The following POLR3F variants were observed in gnomAD, a reference collection of about 807,000 sequenced individuals.
The protein encoded by POLR3F is RNA polymerase III subunit F.
Under a neutral mutation model 43.6 loss-of-function variants are expected in POLR3F, and 31 were observed. That is an observed-to-expected ratio of 0.71 (90% CI 0.53 to 0.96). The LOEUF (loss-of-function observed/expected upper bound fraction) is 0.96, where lower values mean the gene tolerates loss of function less well. POLR3F is among the 40% of genes least tolerant of loss of function. POLR3F has a pLI of 0.00. For synonymous variants in POLR3F, 114 were observed against 132.5 expected, an observed-to-expected ratio of 0.86 and a Z score of 0.96; for missense variants, 316 against 391.7, an observed-to-expected ratio of 0.81 and a Z score of 1.63.
chr20:18,467,700 G>A (rs573373604), intron 1 of POLR3F, 132 bp downstream of exon 1: 3 of 1,515,170 alleles, frequency 2.0e-6, no homozygotes, highest in Admixed American at 2.1e-5. Context: ...CGATTGCGGG[G>A]TTCTGGACCC....
chr20:18,480,870 T>C (rs2059806279), intron 7 of POLR3F, among the ~76,000 whole-genome samples: 1 of 152,132 alleles, frequency 6.6e-6, no homozygotes, highest in South Asian at 2.1e-4. Flanking sequence ...TTAAGGACAC[T>C]GATGCTTTTC....
chr20:18,483,534 C>T lies in POLR3F; in HGVS notation c.927C>T (p.Tyr309=). ...AGATTTCACCATCTAACTGTATTTACATGACAGAGTGGCTCGAATTTTAAT... is the reference window on the plus strand; with the variant it reads ...AGATTTCACCATCTAACTGTATTTATATGACAGAGTGGCTCGAATTTTAAT... ...GGEISPSNCI[Y]MTEWLEF The change falls in exon 9 of 9, where the codon TAC becomes TAT. Residue 309 remains tyrosine (Y), a synonymous_variant. Coordinates refer to ENST00000377603, the MANE Select transcript of POLR3F (RefSeq NM_006466.4). 6.5e-7 allele frequency: 1 copy of T among 1,528,594 alleles called. No homozygotes were observed. 94.7% of individuals were successfully genotyped at this position (1,528,594 alleles called of 1,614,324 possible).
chr20:18,476,891 A>G (rs2059783328), intron 5 of POLR3F, among the ~76,000 whole-genome samples: 4 of 152,188 alleles, frequency 2.6e-5, no homozygotes, highest in South Asian at 2.1e-4. Flanking sequence ...CCTCACCAAC[A>G]TGGTGAAACC....
At chr20:18,467,940 T>A (rs2059708108) in intron 1 of POLR3F, among the ~76,000 whole-genome samples, 1 of 152,208 alleles carries the variant, frequency 6.6e-6, no homozygotes, top group Non-Finnish European at 1.5e-5. Flanking sequence ...CTCTTGTCAC[T>A]AAGGGAACGT....
rs566668578 is a variant in POLR3F, at chr20:18,477,499, A to C, written c.429+2312A>C. ...TCCACATAACTACATGAATATTTAT[A>C]GCAGCTTTATTCGTAATCAGCAGCT... On this transcript the variant is annotated intron_variant, in intron 5 of 8. Transcript: ENST00000377603. 4.6e-5 allele frequency among the ~76,000 whole-genome samples: 7 copies of C among 152,374 alleles called. No individual in the cohort carries two copies. In the East Asian group the frequency reaches 1.3e-3, roughly 29 times the overall value.
intron 7 of POLR3F, 45 bp downstream of exon 7, chr20:18,480,554 C>T (rs1246869677): frequency 9.0e-7 from 1 of 1,106,628 alleles, no homozygotes; most frequent in East Asian, 2.4e-5. Flanking sequence ...TATTCTTTGT[C>T]ACATACAATG....
At position 18,468,871 on chromosome 20, in the gene POLR3F, A is replaced by G. The variant is rs938139045; in HGVS notation, c.63-73A>G. ...AAAAGGCACAGTTTCAAACTATTCT[A>G]CTTGTATTTTTACCCCCACTGTCTC... On this transcript the variant is annotated intron_variant, in intron 1 of 8. Coordinates refer to ENST00000377603, the MANE Select transcript of POLR3F (RefSeq NM_006466.4). 9 of 782,348 alleles carry G rather than the reference A, an allele frequency of 1.2e-5. 1 individual carries two copies. The highest frequency in any genetic ancestry group is 2.1e-5 in the Non-Finnish European group (9 of 429,670). 48.5% of individuals were successfully genotyped at this position (782,348 alleles called of 1,614,324 possible).
chr20:18,475,047 C>T (rs1314637981), intron 4 of POLR3F, 28 bp from the exon 5 acceptor site: 5 of 921,414 alleles, frequency 5.4e-6, no homozygotes, highest in South Asian at 2.8e-5. Flanking sequence ...AACCAGAGTT[C>T]AACTTATTTT....
intron 7 of POLR3F, among the ~76,000 whole-genome samples, chr20:18,480,853 T>C (rs1479822881): frequency 6.6e-6 from 1 of 152,086 alleles, no homozygotes; most frequent in African/African-American, 2.4e-5. Flanking sequence ...CTTTTGAAAT[T>C]CTTTTTTTAA....
chr20:18,474,958 G>T, intron 4 of POLR3F, 117 bp from the exon 5 acceptor site: 1 of 539,258 alleles, frequency 1.9e-6, no homozygotes, highest in Non-Finnish European at 3.4e-6. Context: ...ACTTTAGCCA[G>T]CATTCTTTAC....
At chr20:18,472,300 C>G (rs563208797) in intron 2 of POLR3F, among the ~76,000 whole-genome samples, 12 of 152,226 alleles carry the variant, frequency 7.9e-5, no homozygotes, top group Non-Finnish European at 1.5e-4. Context: ...GATCTCAGCT[C>G]AGCCTTCCAT....
intron 3 of POLR3F, 60 bp downstream of exon 3, chr20:18,472,969 G>T: frequency 2.6e-6 from 2 of 777,630 alleles, no homozygotes; most frequent in African/African-American, 1.8e-5. Flanking sequence ...GTATGTGTTG[G>T]GAATAAAGCT....
intron 1 of POLR3F, 133 bp from the exon 2 acceptor site, chr20:18,468,811 C>G (rs928192281): frequency 6.5e-6 from 4 of 619,628 alleles, no homozygotes; most frequent in African/African-American, 1.8e-5. Context: ...TGATCCAAAA[C>G]CATCACAGAA....
chr20:18,484,544 C>G lies in POLR3F; in HGVS notation c.*986C>G. 6.1e-6 allele frequency: 1 copy of G among 163,302 alleles called. No homozygotes were observed. Among genetic ancestry groups the G allele is most frequent in the Admixed American group, 6.4e-5 (1 of 15,628 alleles). 10.1% of individuals were successfully genotyped at this position (163,302 alleles called of 1,614,324 possible). On this transcript the variant is annotated 3_prime_UTR_variant, in exon 9 of 9. Coordinates refer to ENST00000377603, the MANE Select transcript of POLR3F (RefSeq NM_006466.4). ...AGGGAGAAGACAAACATCCACGAAC[C>G]AGGAAGTGGGTCCTCACCAGAAAAC...
intron 4 of POLR3F, among the ~76,000 whole-genome samples, chr20:18,474,096 G>GAGAA (rs745931739): frequency 6.6e-6 from 1 of 151,754 alleles, no homozygotes; most frequent in South Asian, 2.1e-4. Context: ...ATAGTCCTAT[G>GAGAA]AGAAAGCCAT....
Position 18,475,097 on chromosome 20 carries a change from C to T in POLR3F, c.339C>T (p.Arg113=). ...GNKGIWSRDI[R]YKSNLPLTEI... is the part of the protein sequence containing the mutation. ...TAGGAATATGGAGCAGAGATATCCG[C>T]TATAAAAGTAATTTGCCATTAACAG... The change falls in exon 5 of 9, where the codon CGC becomes CGT. Residue 113 remains arginine (R), a synonymous_variant. Coordinates refer to ENST00000377603, the MANE Select transcript of POLR3F (RefSeq NM_006466.4). The T allele has an allele frequency of 1.4e-6, 2 of 1,465,248 alleles. No homozygotes were observed. The highest frequency in any genetic ancestry group is 1.9e-6 in the Non-Finnish European group (2 of 1,046,430). 90.8% of individuals were successfully genotyped at this position (1,465,248 alleles called of 1,614,324 possible).
intron 4 of POLR3F, 120 bp downstream of exon 4, chr20:18,473,578 A>C: frequency 2.0e-6 from 1 of 498,780 alleles, no homozygotes; most frequent in Non-Finnish European, 3.8e-6. Context: ...AAGGTAATAG[A>C]ACATACAAAT....
In POLR3F at chr20:18,481,729, T is replaced by TG; in HGVS notation, c.794dup (p.His266ThrfsTer29). 1 of 1,613,476 alleles carries TG rather than the reference T, an allele frequency of 6.2e-7. No individual in the cohort carries two copies. Among genetic ancestry groups the TG allele is most frequent in the South Asian group, 1.1e-5 (1 of 91,068 alleles). ...AAGAAGGCACAGTTGGCAGTGTAGA[T>TG]GGACACATGAAACTGTACAGGGCAG... is the stretch of plus-strand genomic sequence containing the variant. On this transcript the variant is annotated frameshift_variant, in exon 8 of 9. Coordinates refer to ENST00000377603, the MANE Select transcript of POLR3F (RefSeq NM_006466.4). LOFTEE classifies it high-confidence loss of function.
Position 18,469,392 on chromosome 20 carries a change from C to G in POLR3F, c.180+331C>G, listed in dbSNP as rs1283841399. 2.8e-5 allele frequency: 6 copies of G among 216,202 alleles called. No homozygotes were observed. In the South Asian group the frequency reaches 4.4e-4, roughly 16 times the overall value. 13.4% of individuals were successfully genotyped at this position (216,202 alleles called of 1,614,324 possible). On this transcript the variant is annotated intron_variant, in intron 2 of 8. Coordinates refer to ENST00000377603, the MANE Select transcript of POLR3F (RefSeq NM_006466.4). Reference sequence around the variant, plus strand: ...TGGGCTATGAATCTTGTGCCCTCAGCACTCCTGGTTCTCAGACCTTCAGAC... The same window carrying G: ...TGGGCTATGAATCTTGTGCCCTCAGGACTCCTGGTTCTCAGACCTTCAGAC...
Sources: gnomAD v4.1 joint callset for allele counts (sites outside exome capture counted in the v4.1 genomes callset) on GRCh38, gnomAD v4.1.1 for gene constraint, MANE v1.5 for transcripts, NCBI Gene and HGNC (gene_info 2026-07-23, HGNC 2026-07-21) for gene names.